Variants in CLNK observed in about 807,000 individuals in gnomAD.
CLNK encodes the protein cytokine dependent hematopoietic cell linker, also known as cytokine-dependent hematopoietic cell linker.
Under a neutral mutation model 68.6 loss-of-function variants are expected in CLNK, and 74 were observed. The ratio of observed to expected loss-of-function variants is 1.08; its 90% CI spans 0.89 to 1.31. CLNK has a LOEUF of 1.31. Among genes scored for constraint, CLNK ranks in the 50% most tolerant of loss-of-function variants. CLNK has a pLI of 0.00. For missense variants in CLNK, 553 were observed against 515.3 expected, an observed-to-expected ratio of 1.07 and a Z score of -0.71; for synonymous variants, 198 against 172.2, an observed-to-expected ratio of 1.15 and a Z score of -1.17.
At chr4:10,541,860 C>T (rs1577117620) in intron 10 of CLNK, among the ~76,000 whole-genome samples, 162 bp downstream of exon 10, 1 of 150,240 alleles carries the variant, frequency 6.7e-6, no homozygotes, top group South Asian at 2.1e-4. Flanking sequence ...TAATCTTGTT[C>T]ATTGAACATC....
intron 2 of CLNK, among the ~76,000 whole-genome samples, chr4:10,624,494 G>A (rs1440022533): frequency 2.6e-5 from 4 of 151,216 alleles, no homozygotes; most frequent in Non-Finnish European, 5.9e-5. Flanking sequence ...GGGTTTCACC[G>A]TGTTAGCCAG....
At chr4:10,701,629 C>T in the CLNK span, among the ~76,000 whole-genome samples, 1 of 152,172 alleles carries the variant, frequency 6.6e-6, no homozygotes, top group African/African-American at 2.4e-5. Flanking sequence ...CTAAGAAACA[C>T]TTAAACAGTG....
chr4:10,696,897 C>T, the CLNK span, among the ~76,000 whole-genome samples: 1 of 152,190 alleles, frequency 6.6e-6, no homozygotes, highest in African/African-American at 2.4e-5. Flanking sequence ...ATGCAGATTC[C>T]AGGGCCCTTC....
chr4:10,546,203 C>T (rs892664541), intron 8 of CLNK, among the ~76,000 whole-genome samples: 1 of 152,108 alleles, frequency 6.6e-6, no homozygotes, highest in African/African-American at 2.4e-5. Flanking sequence ...TCTATGTGGC[C>T]AGGCTGAGTT....
chr4:10,654,504 C>A (rs1723884861), intron 2 of CLNK, among the ~76,000 whole-genome samples: 1 of 149,906 alleles, frequency 6.7e-6, no homozygotes, highest in Admixed American at 6.7e-5. Context: ...AGAGCATTTA[C>A]CTCAAGATTT....
chr4:10,716,201 T>C, the CLNK span, among the ~76,000 whole-genome samples: 65 of 152,232 alleles, frequency 4.3e-4, no homozygotes, highest in Non-Finnish European at 7.1e-4. Context: ...AAAATTTGTA[T>C]GACTTTTTTC....
intron 5 of CLNK, among the ~76,000 whole-genome samples, chr4:10,570,846 A>G (rs1184199102): frequency 6.6e-6 from 1 of 152,214 alleles, no homozygotes; most frequent in Admixed American, 6.5e-5. Flanking sequence ...TAAATATTGC[A>G]AATGATTTCA....
At chr4:10,706,274 C>T in the CLNK span, among the ~76,000 whole-genome samples, 2 of 152,190 alleles carry the variant, frequency 1.3e-5, no homozygotes. Flanking sequence ...ACTCCTAAAC[C>T]TCCCGTGTCC....
At chr4:10,650,787 T>C (rs1723698151) in intron 2 of CLNK, among the ~76,000 whole-genome samples, 2 of 152,146 alleles carry the variant, frequency 1.3e-5, no homozygotes, top group African/African-American at 4.8e-5. Context: ...ATATAAAATT[T>C]GCAATCTATG....
At chr4:10,679,337 C>T (rs1725001575) in intron 1 of CLNK, among the ~76,000 whole-genome samples, 1 of 152,194 alleles carries the variant, frequency 6.6e-6, no homozygotes, top group Non-Finnish European at 1.5e-5. Context: ...AACTGGATCC[C>T]TTCCTTACAC....
intron 12 of CLNK, among the ~76,000 whole-genome samples, chr4:10,529,690 A>G (rs1718460337): frequency 6.6e-6 from 1 of 152,164 alleles, no homozygotes; most frequent in Non-Finnish European, 1.5e-5. Flanking sequence ...AGGACTTTGA[A>G]CCTGGCTGTT....
upstream of CLNK, among the ~76,000 whole-genome samples, chr4:10,685,496 G>A (rs1577221001): frequency 6.6e-6 from 1 of 151,922 alleles, no homozygotes; most frequent in Non-Finnish European, 1.5e-5. Context: ...ATTTTCTTTC[G>A]GCCTTAATCT....
At chr4:10,655,941 G>C (rs1163301836) in intron 2 of CLNK, among the ~76,000 whole-genome samples, 1 of 152,076 alleles carries the variant, frequency 6.6e-6, no homozygotes, top group Middle Eastern at 3.2e-3. Context: ...GAGCCACTGC[G>C]CCCGGCCGAT....
At chr4:10,631,897 AAT>A (rs1324099119) in intron 2 of CLNK, among the ~76,000 whole-genome samples, 3 of 152,172 alleles carry the variant, frequency 2.0e-5, no homozygotes, top group Non-Finnish European at 4.4e-5. Flanking sequence ...TAAGGATTCA[AAT>A]ATGTCTTTTT....
chr4:10,675,960 T>C (rs1724854594), intron 1 of CLNK, among the ~76,000 whole-genome samples: 1 of 152,048 alleles, frequency 6.6e-6, no homozygotes, highest in Non-Finnish European at 1.5e-5. Flanking sequence ...TTCTGCACAA[T>C]CACATCACAC....
Position 10,540,603 on chromosome 4 carries a change from G to C in CLNK, c.493C>G (p.Pro165Ala), listed in dbSNP as rs776087164. 1.9e-6 allele frequency: 3 copies of C among 1,611,512 alleles called. No individual in the cohort carries two copies. The highest frequency in any genetic ancestry group is 2.5e-6 in the Non-Finnish European group (3 of 1,177,832). ...KNKIPLPPPR[P>A]LITLPKKYQP... ...TACTTCTTCGGAAGTGTTATGAGAG[G>C]CCTGTGTGGAGAGTCGCAGTAGGGT... Residue 165 changes from proline (P) to alanine (A), a missense_variant and splice_region_variant, in exon 11 of 19, where the codon CCT (proline) becomes GCT (alanine). By Grantham distance (27) the Pro-to-Ala change is conservative. Transcript: ENST00000226951.
At chr4:10,510,448 T>TA (rs921223431) in intron 16 of CLNK, among the ~76,000 whole-genome samples, 1 of 152,152 alleles carries the variant, frequency 6.6e-6, no homozygotes, top group Non-Finnish European at 1.5e-5. Context: ...AATGACTTTT[T>TA]AAAAAAATTA....
At chr4:10,563,105 T>C (rs1560217755) in intron 7 of CLNK, among the ~76,000 whole-genome samples, 1 of 152,228 alleles carries the variant, frequency 6.6e-6, no homozygotes, top group Non-Finnish European at 1.5e-5. Context: ...TCTGTGTAAA[T>C]GGTCGGTGTT....
chr4:10,588,178 G>A (rs1193067673), intron 3 of CLNK, among the ~76,000 whole-genome samples: 1 of 152,188 alleles, frequency 6.6e-6, no homozygotes, highest in Non-Finnish European at 1.5e-5. Flanking sequence ...CAAAGGCAGA[G>A]CATCCAACGC....
Sources: gnomAD v4.1 joint callset for allele counts (sites outside exome capture counted in the v4.1 genomes callset) on GRCh38, gnomAD v4.1.1 for gene constraint, MANE v1.5 for transcripts, NCBI Gene and HGNC (gene_info 2026-07-23, HGNC 2026-07-21) for gene names.